HIP1R: variants seen among roughly 807,000 people sequenced by gnomAD.
HIP1R encodes the protein huntingtin-interacting protein 1-related protein.
Under a neutral mutation model 144.2 loss-of-function variants are expected in HIP1R, and 135 were observed. The observed-to-expected ratio is 0.94, with a 90% CI of 0.81 to 1.08. The LOEUF (loss-of-function observed/expected upper bound fraction) is 1.08, where lower values mean the gene tolerates loss of function less well. HIP1R is among the 50% of genes least tolerant of loss of function. HIP1R has a pLI of 0.00. For missense variants in HIP1R, 1,462 were observed against 1,432.8 expected (o/e 1.02, Z -0.33); for synonymous variants, 698 against 612.8 (o/e 1.14, Z -2.05).
rs2033517604 is a variant in HIP1R, at chr12:122,854,931, C to T, written c.745C>T (p.His249Tyr). 3 of 1,612,838 alleles carry T rather than the reference C, an allele frequency of 1.9e-6. No individual in the cohort carries two copies. Among genetic ancestry groups the T allele is most frequent in the Non-Finnish European group, 2.5e-6 (3 of 1,179,644 alleles). ...SCLPADTLQG[H>Y]RDRFHEQFHS... is the part of the protein sequence containing the mutation. The stretch of plus-strand genomic sequence containing the variant: ...TCTCCCTGCGGACACCCTGCAAGGC[C>T]ACAGGGACCGGTTCCACGAGCAGTT... Residue 249 changes from histidine (H) to tyrosine (Y), a missense_variant, in exon 9 of 32, where the codon CAC becomes TAC. Transcript: ENST00000253083.
intron 1 of HIP1R, 30 bp downstream of exon 1, chr12:122,835,673 G>GCGGCGGC (rs2032866156): frequency 9.3e-7 from 1 of 1,071,474 alleles, no homozygotes; most frequent in South Asian, 4.1e-5. Context: ...CGGGCGGCGG[G>GCGGCGGC]CGGCGGCGGG....
rs779301566 is a variant in HIP1R at position 122,851,220 on chromosome 12, CACT to C, written c.516-15_516-13del. 1.3e-6 allele frequency: 2 copies of C among 1,495,238 alleles called. No homozygotes were observed. The highest frequency in any genetic ancestry group is 5.1e-5 in the East Asian group (2 of 39,124). 92.6% of individuals were successfully genotyped at this position (1,495,238 alleles called of 1,614,324 possible). A position where few individuals can be genotyped will look rare whatever the true frequency, so the allele number is the denominator to read the frequency against. ...ACCCACCCTTTTTCATTTCTTCCCC[CACT>C]TCTCTTGCGTAGCTTCCAGCTCACT... On this transcript the variant is annotated splice_polypyrimidine_tract_variant and intron_variant, in intron 6 of 31. Coordinates refer to ENST00000253083, the MANE Select transcript of HIP1R (RefSeq NM_003959.3).
At position 122,859,501 on chromosome 12, in the gene HIP1R, T is replaced by C. The variant is rs1169509828; in HGVS notation, c.2371T>C (p.Ser791Pro). The change falls in exon 23 of 32, where the codon TCC (serine) becomes CCC (proline). Residue 791 changes from serine (S) to proline (P), a missense_variant. Transcript: ENST00000253083. The part of the protein sequence containing the change: ...AVVDKEMAAT[S>P]AAIEDAVRRI... The stretch of plus-strand genomic sequence containing the variant: ...GGTCGACAAGGAGATGGCGGCCACA[T>C]CCGCAGCCATTGAAGATGCTGTGCG... 1 of 1,613,212 alleles carries C rather than the reference T, an allele frequency of 6.2e-7. No individual in the cohort carries two copies. The highest frequency in any genetic ancestry group is 1.3e-5 in the African/African-American group (1 of 74,928).
At chr12:122,837,003 T>TA (rs1446873134) in intron 1 of HIP1R, among the ~76,000 whole-genome samples, 2 of 152,346 alleles carry the variant, frequency 1.3e-5, no homozygotes, top group East Asian at 1.9e-4. Flanking sequence ...CCCGTCATTT[T>TA]AAAAAAATTT....
Position 122,859,092 on chromosome 12 carries a change from C to A in HIP1R, c.2190C>A (p.Ala730=). ...RLIDTCRECG[A]RALELMGQLQ... ...TAGACACCTGCAGGGAGTGCGGGGC[C>A]CGGGCTCTGGAGCTCATGGGGCAGC... Residue 730 remains alanine (A), a synonymous_variant, in exon 22 of 32, where the codon GCC becomes GCA. Coordinates refer to ENST00000253083, the MANE Select transcript of HIP1R (RefSeq NM_003959.3). 1 of 1,603,550 alleles carries A rather than the reference C, an allele frequency of 6.2e-7. No individual in the cohort carries two copies. The highest frequency in any genetic ancestry group is 8.5e-7 in the Non-Finnish European group (1 of 1,175,832).
At chr12:122,839,089 T>G (rs2032985824) in intron 1 of HIP1R, among the ~76,000 whole-genome samples, 1 of 152,232 alleles carries the variant, frequency 6.6e-6, no homozygotes, top group Non-Finnish European at 1.5e-5. Flanking sequence ...TAGAAGGGCC[T>G]CAGCAGATAC....
intron 23 of HIP1R, 66 bp downstream of exon 23, chr12:122,859,602 G>C: frequency 7.0e-7 from 1 of 1,429,560 alleles, no homozygotes; most frequent in South Asian, 1.2e-5. Context: ...GCCCCAACTG[G>C]GCTGGGTACA....
intron 8 of HIP1R, 22 bp downstream of exon 8, chr12:122,854,205 C>T: frequency 6.2e-7 from 1 of 1,606,714 alleles, no homozygotes; most frequent in Non-Finnish European, 8.5e-7. Flanking sequence ...AGGGCAACCC[C>T]TGGCCCGGAA....
intron 4 of HIP1R, 126 bp from the exon 5 acceptor site, chr12:122,849,749 G>T: frequency 1.5e-6 from 1 of 649,458 alleles, no homozygotes. Flanking sequence ...GGTTGGTGGA[G>T]GCCAGGAGAA....
intron 27 of HIP1R, 29 bp from the exon 28 acceptor site, chr12:122,860,650 C>CCTGGCCCTGA (rs765452294): frequency 1.6e-5 from 25 of 1,596,766 alleles, no homozygotes; most frequent in Admixed American, 8.3e-5. Flanking sequence ...GGTCAGAGAC[C>CCTGGCCCTGA]CTGGCCCTGA....
intron 5 of HIP1R, chr12:122,850,191 G>A: frequency 1.5e-6 from 1 of 654,290 alleles, no homozygotes; most frequent in Non-Finnish European, 2.8e-6. Context: ...AGGCGTTTCT[G>A]TGGACATGAG....
intron 10 of HIP1R, 65 bp from the exon 11 acceptor site, chr12:122,855,200 G>A: frequency 6.2e-7 from 1 of 1,611,052 alleles, no homozygotes; most frequent in South Asian, 1.1e-5. Context: ...CACAGGCTAT[G>A]GAGATGGCGG....
intron 6 of HIP1R, 117 bp from the exon 7 acceptor site, chr12:122,851,117 CTG>C: frequency 1.0e-6 from 1 of 955,074 alleles, no homozygotes; most frequent in Non-Finnish European, 1.6e-6. Context: ...CAGAGGCACG[CTG>C]TCTCACCAGA....
At chr12:122,834,835 G>A, upstream of HIP1R, 1 of 688,268 alleles carries the variant, frequency 1.5e-6, no homozygotes, top group Admixed American at 2.6e-5. Flanking sequence ...GATAACAGCT[G>A]CAGCTATGTC....
At position 122,854,095 on chromosome 12, in the gene HIP1R, G is replaced by T; in HGVS notation, c.630G>T (p.Gln210His). Residue 210 changes from glutamine (Q) to histidine (H), a missense_variant, in exon 8 of 32, where the codon CAG becomes CAT. Coordinates refer to ENST00000253083, the MANE Select transcript of HIP1R (RefSeq NM_003959.3). ...CCGTATCCCAGATGTCCTCAGGCCA[G>T]TGCCGCCTGGCCCCCCTCATCCAGG... ...AIAVSQMSSG[Q>H]CRLAPLIQVI... is the part of the protein sequence containing the mutation. 1 of 1,613,904 alleles carries T rather than the reference G, an allele frequency of 6.2e-7. No homozygotes were observed. Among genetic ancestry groups the T allele is most frequent in the Non-Finnish European group, 8.5e-7 (1 of 1,179,952 alleles).
chr12:122,843,046 G>A (rs2033101894), intron 1 of HIP1R, among the ~76,000 whole-genome samples: 1 of 152,250 alleles, frequency 6.6e-6, no homozygotes, highest in Non-Finnish European at 1.5e-5. Context: ...CAGCCCCAAG[G>A]CCTTCGTTAA....
Position 122,835,565 on chromosome 12 carries a change from G to C in HIP1R, c.15G>C (p.Lys5Asn), listed in dbSNP as rs1566098134. 2.2e-5 allele frequency: 30 copies of C among 1,351,106 alleles called. No homozygotes were observed. The highest frequency in any genetic ancestry group is 2.9e-5 in the Non-Finnish European group (30 of 1,043,616). 83.7% of individuals were successfully genotyped at this position (1,351,106 alleles called of 1,614,324 possible). The change falls in exon 1 of 32, where the codon AAG becomes AAC. Residue 5 changes from lysine to asparagine, a missense_variant. Lys to Asn is a moderately conservative substitution (Grantham distance 94). Coordinates refer to ENST00000253083, the MANE Select transcript of HIP1R (RefSeq NM_003959.3). ...GCGGCGGCAGGATGAACAGCATCAA[G>C]AACGTGCCGGCGCGGGTGCTGAGCC... Reference protein sequence around the residue: MNSIKNVPARVLSRR... With the variant: MNSINNVPARVLSRR...
At chr12:122,848,183 G>A (rs1399872515) in intron 2 of HIP1R, 89 bp downstream of exon 2, 1 of 1,398,270 alleles carries the variant, frequency 7.2e-7, no homozygotes, top group Non-Finnish European at 1.0e-6. Context: ...AGCTGTGCCG[G>A]GGTCACAAGT....
intron 18 of HIP1R, 97 bp downstream of exon 18, chr12:122,857,312 T>A: frequency 8.2e-7 from 1 of 1,213,398 alleles, no homozygotes; most frequent in Non-Finnish European, 1.2e-6. Flanking sequence ...AGATTTCATG[T>A]AAAGGGGATC....
Sources: gnomAD v4.1 joint callset for allele counts (sites outside exome capture counted in the v4.1 genomes callset) on GRCh38, gnomAD v4.1.1 for gene constraint, MANE v1.5 for transcripts, NCBI Gene and HGNC (gene_info 2026-07-23, HGNC 2026-07-21) for gene names.